Variants in SLC14A2 observed in about 807,000 individuals in gnomAD.
SLC14A2 encodes the protein solute carrier family 14 member 2.
A neutral mutation model predicts 104.6 loss-of-function variants in SLC14A2; 91 were observed. The observed-to-expected ratio is 0.87, with a 90% confidence interval of 0.73 to 1.04. The LOEUF is 1.04. Ranked by LOEUF, SLC14A2 falls within the 50% of genes least tolerant of loss-of-function variation. The probability of loss-of-function intolerance (pLI) is 0.00; values close to 1 mark genes in which losing one functional copy is unlikely to be tolerated. For synonymous variants in SLC14A2, 476 were observed against 466.4 expected (o/e 1.02, Z -0.27); for missense variants, 1,189 against 1,156.0 (o/e 1.03, Z -0.41).
rs142923442 is a variant in SLC14A2, at chr18:45,639,808, C to A, written c.906C>A (p.Gly302=). The A allele has an allele frequency of 6.2e-7, 1 of 1,613,926 alleles. No individual in the cohort carries two copies. The highest frequency in any genetic ancestry group is 8.5e-7 in the Non-Finnish European group (1 of 1,179,994). ...ATGGCTGTGACAATCCCTGGACAGG[C>A]GGCGTGTTCCTGGTGGCTCTGTTCA... ...QVYGCDNPWT[G]GVFLVALFIS... The change falls in exon 7 of 20, where the codon GGC becomes GGA. Residue 302 remains glycine, a synonymous_variant. Transcript: ENST00000255226.
In SLC14A2 at chr18:45,301,355, G is replaced by A. The variant is rs141057135; in HGVS notation, c.-125+88164G>A. Among the ~76,000 whole-genome samples the A allele has an allele frequency of 2.4e-3, 364 of 152,256 alleles. 1 individual carries two copies. The highest frequency in any genetic ancestry group is 0.017 in the Middle Eastern group (5 of 294). ...TGTTTCAGCCCCACTGAGCCTCCAC[G>A]CTGGGGTGGGAGATGACCACTTCCA... On this transcript the variant is annotated intron_variant, in intron 1 of 20. Coordinates refer to the SLC14A2 transcript ENST00000586448.
At chr18:45,179,719 C>T in the SLC14A2 span, among the ~76,000 whole-genome samples, 742 of 152,036 alleles carry the variant, frequency 4.9e-3, 11 homozygotes, top group African/African-American at 0.017. Context: ...GAAGTAAAAA[C>T]CATTCTCTGG....
intron 10 of SLC14A2, among the ~76,000 whole-genome samples, chr18:45,648,252 C>T (rs2045659129): frequency 7.5e-6 from 1 of 134,126 alleles, no homozygotes; most frequent in Admixed American, 8.5e-5. Context: ...ATCGCCCAGG[C>T]TGGAGTGCAG....
chr18:45,562,822 C>A (rs765995240), intron 2 of SLC14A2, among the ~76,000 whole-genome samples: 13 of 152,178 alleles, frequency 8.5e-5, no homozygotes, highest in Non-Finnish European at 1.8e-4. Context: ...TGGGAAACAA[C>A]CAAGAGGGTA....
intron 1 of SLC14A2, among the ~76,000 whole-genome samples, chr18:45,406,078 G>T (rs150807026): frequency 3.5e-4 from 54 of 152,226 alleles, no homozygotes; most frequent in African/African-American, 1.1e-3. Context: ...TCTCATAAGA[G>T]AATTTTTCTA....
At chr18:45,348,151 C>T (rs1458821555) in intron 1 of SLC14A2, among the ~76,000 whole-genome samples, 2 of 152,198 alleles carry the variant, frequency 1.3e-5, no homozygotes, top group Non-Finnish European at 2.9e-5. Context: ...ACTCTTCTAC[C>T]AGGCCTTGGA....
the SLC14A2 span, among the ~76,000 whole-genome samples, chr18:45,201,759 A>G: frequency 6.6e-6 from 1 of 151,790 alleles, no homozygotes; most frequent in Non-Finnish European, 1.5e-5. Flanking sequence ...TTCTTTACTC[A>G]CTCTCACTTA....
intron 18 of SLC14A2, among the ~76,000 whole-genome samples, chr18:45,678,222 T>C (rs970359597): frequency 6.6e-6 from 1 of 152,222 alleles, no homozygotes; most frequent in Non-Finnish European, 1.5e-5. Flanking sequence ...GTCATATTAT[T>C]TCACCTCTCT....
intron 10 of SLC14A2, chr18:45,647,469 A>G (rs2045644026): frequency 6.6e-6 from 1 of 151,996 alleles, no homozygotes; most frequent in South Asian, 2.1e-4. Flanking sequence ...TTTTGGATTT[A>G]TTTGTCCTTT....
At chr18:45,559,960 A>G (rs2044180683) in intron 2 of SLC14A2, among the ~76,000 whole-genome samples, 1 of 152,182 alleles carries the variant, frequency 6.6e-6, no homozygotes, top group Non-Finnish European at 1.5e-5. Context: ...GGATCACCAC[A>G]TCAAGGTCAT....
intron 1 of SLC14A2, among the ~76,000 whole-genome samples, chr18:45,236,565 A>ATATGTATATG (rs1372351233): frequency 7.8e-6 from 1 of 128,612 alleles, no homozygotes; most frequent in African/African-American, 3.2e-5. Flanking sequence ...ATATGTGTAT[A>ATATGTATATG]TATGTATATA....
At chr18:45,470,928 A>G (rs1488114422) in intron 1 of SLC14A2, among the ~76,000 whole-genome samples, 2 of 152,106 alleles carry the variant, frequency 1.3e-5, no homozygotes, top group African/African-American at 4.8e-5. Context: ...TCAGTGTTTT[A>G]AAATGTTATT....
At chr18:45,338,926 T>C (rs2085365029) in intron 1 of SLC14A2, among the ~76,000 whole-genome samples, 1 of 150,952 alleles carries the variant, frequency 6.6e-6, no homozygotes, top group Non-Finnish European at 1.5e-5. Flanking sequence ...TTGCTCTCAC[T>C]AGATTCTTAT....
At chr18:45,236,688 A>G (rs1025113951) in intron 1 of SLC14A2, among the ~76,000 whole-genome samples, 4 of 151,652 alleles carry the variant, frequency 2.6e-5, no homozygotes, top group Admixed American at 1.3e-4. Context: ...TCTTGATTCC[A>G]TATCTTAGCT....
At chr18:45,436,236 G>C (rs2612543) in intron 1 of SLC14A2, among the ~76,000 whole-genome samples, 2 of 152,146 alleles carry the variant, frequency 1.3e-5, no homozygotes, top group Non-Finnish European at 2.9e-5. Context: ...TTTTCAAATA[G>C]GTTAGAGGCA....
chr18:45,441,854 T>C (rs551805688), intron 1 of SLC14A2, among the ~76,000 whole-genome samples: 2 of 152,306 alleles, frequency 1.3e-5, no homozygotes, highest in Non-Finnish European at 2.9e-5. Flanking sequence ...ACGAGAAGAT[T>C]GAAGAGGGAA....
chr18:45,639,909 C>A lies in SLC14A2; in HGVS notation c.991+16C>A, dbSNP rs374116836. On this transcript the variant is annotated intron_variant, in intron 7 of 19. Transcript: ENST00000255226. ...CTGCTAGCAGGTAGGACAGAGCTCC[C>A]TCTCTTCAGGTCCTCAGGATAATTC... 7.5e-6 allele frequency: 12 copies of A among 1,610,108 alleles called. No individual in the cohort carries two copies. The highest frequency in any genetic ancestry group is 1.0e-5 in the Non-Finnish European group (12 of 1,178,582).
intron 5 of SLC14A2, among the ~76,000 whole-genome samples, chr18:45,634,325 C>T (rs2045386610): frequency 6.6e-6 from 1 of 152,178 alleles, no homozygotes; most frequent in Non-Finnish European, 1.5e-5. Flanking sequence ...TCTCTATTCC[C>T]TTGGAACTGA....
At chr18:45,247,420 G>A (rs1223195878) in intron 1 of SLC14A2, among the ~76,000 whole-genome samples, 1 of 152,208 alleles carries the variant, frequency 6.6e-6, no homozygotes, top group African/African-American at 2.4e-5. Context: ...GTGGAGGCCT[G>A]GACCTATGAC....
Sources: allele counts gnomAD v4.1 joint callset (sites outside exome capture counted in the v4.1 genomes callset), GRCh38; gene constraint gnomAD v4.1.1; transcripts MANE v1.5; gene names NCBI Gene and HGNC (gene_info 2026-07-23, HGNC 2026-07-21).